Variants in LRRC25 observed in about 807,000 individuals in gnomAD.
LRRC25 encodes leucine rich repeat containing 25.
Under a neutral mutation model 18.8 loss-of-function variants are expected in LRRC25, and 5 were observed. The ratio of observed to expected loss-of-function variants is 0.27; its 90% confidence interval spans 0.14 to 0.56. The LOEUF is 0.56. Ranked by LOEUF, LRRC25 falls within the 20% of genes least tolerant of loss-of-function variation. LRRC25 has a pLI of 0.93. For synonymous variants in LRRC25, 161 were observed against 176.8 expected (o/e 0.91, Z 0.71); for missense variants, 341 against 389.8 (o/e 0.87, Z 1.05).
At position 18,392,105 on chromosome 19, in the gene LRRC25, T is replaced by C. The variant is rs1971908912; in HGVS notation, c.800A>G (p.Asn267Ser). ...DEQGAHPSEDNDFYINYKDID... is the reference protein window; with the variant it reads ...DEQGAHPSEDSDFYINYKDID... ...GTCCTTGTAGTTGATGTAAAAGTCA[T>C]TGTCCTCTGAAGGGTGAGCCCTGGG... Residue 267 changes from asparagine (N) to serine (S), a missense_variant, in exon 2 of 2, where the codon AAT (asparagine) becomes AGT (serine). By Grantham distance (46) the Asn-to-Ser change is conservative. Transcript: ENST00000339007. The C allele has an allele frequency of 6.2e-7, 1 of 1,613,856 alleles. No homozygotes were observed. Among genetic ancestry groups the C allele is most frequent in the Admixed American group, 1.7e-5 (1 of 59,982 alleles).
Position 18,392,106 on chromosome 19 carries a change from T to C in LRRC25, c.799A>G (p.Asn267Asp). The C allele has an allele frequency of 1.9e-6, 3 of 1,613,976 alleles. No homozygotes were observed. The highest frequency in any genetic ancestry group is 2.5e-6 in the Non-Finnish European group (3 of 1,179,926). Residue 267 changes from asparagine to aspartate, a missense_variant, in exon 2 of 2, where the codon AAT becomes GAT. Asn to Asp is a conservative substitution (Grantham distance 23). Transcript: ENST00000339007. ...DEQGAHPSED[N>D]DFYINYKDID... is the part of the protein sequence containing the mutation. ...TCCTTGTAGTTGATGTAAAAGTCAT[T>C]GTCCTCTGAAGGGTGAGCCCTGGGG...
intron 1 of LRRC25, among the ~76,000 whole-genome samples, chr19:18,395,534 T>G (rs1311962340): frequency 2.0e-5 from 3 of 152,066 alleles, no homozygotes; most frequent in Non-Finnish European, 4.4e-5. Flanking sequence ...GGGCCTATGC[T>G]GCTGACCGCC....
rs1226896372 is a variant in LRRC25, at chr19:18,396,915, C to T, written c.49G>A (p.Glu17Lys). The T allele has an allele frequency of 6.2e-7, 1 of 1,611,956 alleles. No individual in the cohort carries two copies. The highest frequency in any genetic ancestry group is 1.7e-5 in the Admixed American group (1 of 60,002). ...CACGACGGTTCTAGGCTGTCTGACT[C>T]CCGCAGCAGCAGCGGCAACAGCAGC... Reference protein sequence around the residue: ...WTLLLPLLLRESDSLEPSCTV... With the variant: ...WTLLLPLLLRKSDSLEPSCTV... Residue 17 changes from glutamate (E) to lysine (K), a missense_variant, in exon 1 of 2, where the codon GAG becomes AAG. By Grantham distance (56) the Glu-to-Lys change is moderately conservative. Coordinates refer to ENST00000339007, the MANE Select transcript of LRRC25 (RefSeq NM_145256.3).
At chr19:18,394,652 G>A (rs985526256) in intron 1 of LRRC25, among the ~76,000 whole-genome samples, 2 of 152,142 alleles carry the variant, frequency 1.3e-5, no homozygotes, top group African/African-American at 4.8e-5. Flanking sequence ...ATGTTGGTCA[G>A]GCTGGTCTTG....
chr19:18,396,422 A>G lies in LRRC25; in HGVS notation c.542T>C (p.Ile181Thr). 6.2e-7 allele frequency: 1 copy of G among 1,613,480 alleles called. No homozygotes were observed. Among genetic ancestry groups the G allele is most frequent in the South Asian group, 1.1e-5 (1 of 91,086 alleles). The change falls in exon 1 of 2, where the codon ATC becomes ACC. Residue 181 changes from isoleucine to threonine, a missense_variant. Ile to Thr is a moderately conservative substitution (Grantham distance 89, BLOSUM62 -1). Transcript: ENST00000339007. ...TCTCCAGGCCAGCACAGGGCCAGCG[A>G]TGGCAAGTCCAAGAAGCAGGCACCC... is the stretch of plus-strand genomic sequence containing the variant. ...VSGCLLLGLAIAGPVLAWRLW... is the reference protein window; with the variant it reads ...VSGCLLLGLATAGPVLAWRLW...
At chr19:18,393,002 A>G (rs73011458) in intron 1 of LRRC25, among the ~76,000 whole-genome samples, 33,602 of 151,960 alleles carry the variant, frequency 0.22, 4,377 homozygotes, top group East Asian at 0.39. Context: ...AAAAAACAGA[A>G]ATTGAGGTAG....
chr19:18,392,791 A>G (rs897755507), intron 1 of LRRC25, among the ~76,000 whole-genome samples: 2 of 152,088 alleles, frequency 1.3e-5, no homozygotes, highest in African/African-American at 4.8e-5. Flanking sequence ...GGAGTTTGAG[A>G]CCATCCTGAG....
intron 1 of LRRC25, among the ~76,000 whole-genome samples, chr19:18,394,833 T>C (rs1032225814): frequency 3.9e-5 from 6 of 152,136 alleles, no homozygotes; most frequent in African/African-American, 1.2e-4. Context: ...ATGCCAGCAC[T>C]TTGGGAGGCT....
At chr19:18,395,921 G>A (rs12983908) in intron 1 of LRRC25, among the ~76,000 whole-genome samples, 1 of 152,056 alleles carries the variant, frequency 6.6e-6, no homozygotes, top group African/African-American at 2.4e-5. Context: ...GGGTTTCACC[G>A]TGTTGGCCAG....
In LRRC25 at chr19:18,392,027, G is replaced by T; in HGVS notation, c.878C>A (p.Ala293Asp). 1 of 1,614,142 alleles carries T rather than the reference G, an allele frequency of 6.2e-7. No individual in the cohort carries two copies. The highest frequency in any genetic ancestry group is 8.5e-7 in the Non-Finnish European group (1 of 1,180,008). ...VYCNLQSLGQ[A>D]PMDEEEYVIP... ...CACGTACTCCTCTTCATCCATTGGG[G>T]CCTGGCCCAGTGACTGCAGGTTACA... The change falls in exon 2 of 2, where the codon GCC becomes GAC. Residue 293 changes from alanine (A) to aspartate (D), a missense_variant. Coordinates refer to ENST00000339007, the MANE Select transcript of LRRC25 (RefSeq NM_145256.3).
At chr19:18,396,162 A>C (rs769759589) in intron 1 of LRRC25, 23 bp downstream of exon 1, 1 of 1,564,864 alleles carries the variant, frequency 6.4e-7, no homozygotes, top group South Asian at 1.2e-5. Context: ...CCACTTTGGC[A>C]GGTGTCTCAG....
At chr19:18,392,925 G>GCCTA (rs1337754675) in intron 1 of LRRC25, among the ~76,000 whole-genome samples, 1 of 152,122 alleles carries the variant, frequency 6.6e-6, no homozygotes, top group Admixed American at 6.5e-5. Flanking sequence ...AGGAGGTCGA[G>GCCTA]CCTACAGTGA....
In LRRC25 at chr19:18,396,960, C is replaced by T; in HGVS notation, c.4G>A (p.Gly2Arg). Residue 2 changes from glycine to arginine, a missense_variant, in exon 1 of 2, where the codon GGG (glycine) becomes AGG (arginine). By Grantham distance (125) the Gly-to-Arg change is moderately radical. Coordinates refer to ENST00000339007, the MANE Select transcript of LRRC25 (RefSeq NM_145256.3). Reference protein sequence around the residue: MGGTLAWTLLLP... With the variant: MRGTLAWTLLLP... ...AGCAGCGTCCATGCCAGGGTGCCCC[C>T]CATTCAAGCAACCTACGTAGAGACA... The T allele has an allele frequency of 6.2e-7, 1 of 1,604,926 alleles. No individual in the cohort carries two copies. Among genetic ancestry groups the T allele is most frequent in the African/African-American group, 1.3e-5 (1 of 74,978 alleles).
chr19:18,395,012 G>GA (rs1193626796), intron 1 of LRRC25, among the ~76,000 whole-genome samples: 1 of 152,076 alleles, frequency 6.6e-6, no homozygotes, highest in Non-Finnish European at 1.5e-5. Context: ...CCAGGAGCTT[G>GA]AGGCTGCAGT....
Position 18,396,872 on chromosome 19 carries a change from T to A in LRRC25, c.92A>T (p.Asp31Val). ...ACTGAACTCCGCGTTCCAGTCCACATCCGCGGAGGACACGGTGCACGACGG... is the reference window on the plus strand; with the variant it reads ...ACTGAACTCCGCGTTCCAGTCCACAACCGCGGAGGACACGGTGCACGACGG... Reference protein sequence around the residue: ...LEPSCTVSSADVDWNAEFSAT... With the variant: ...LEPSCTVSSAVVDWNAEFSAT... The change falls in exon 1 of 2, where the codon GAT (aspartate) becomes GTT (valine). Residue 31 changes from aspartate (D) to valine (V), a missense_variant. Physicochemically the swap from Asp to Val is radical, Grantham distance 152. Coordinates refer to ENST00000339007, the MANE Select transcript of LRRC25 (RefSeq NM_145256.3). 6.2e-7 allele frequency: 1 copy of A among 1,613,744 alleles called. No homozygotes were observed. The highest frequency in any genetic ancestry group is 8.5e-7 in the Non-Finnish European group (1 of 1,180,022).
At chr19:18,395,802 CCT>C (rs761253101) in intron 1 of LRRC25, among the ~76,000 whole-genome samples, 5 of 152,148 alleles carry the variant, frequency 3.3e-5, no homozygotes, top group Non-Finnish European at 7.3e-5. Context: ...CTCACTGCAA[CCT>C]CTGACTCCCA....
rs571058968 is a variant in LRRC25, at chr19:18,396,331, G to C, written c.633C>G (p.Pro211=). 2.1e-4 allele frequency: 333 copies of C among 1,613,776 alleles called. No homozygotes were observed. The highest frequency in any genetic ancestry group is 2.8e-4 in the Non-Finnish European group (330 of 1,180,020). Residue 211 remains proline, a synonymous_variant, in exon 1 of 2, where the codon CCC becomes CCG. Transcript: ENST00000339007. The stretch of plus-strand genomic sequence containing the variant: ...GTGGCTGCAAGCCTAAACCGGGCTT[G>C]GGCCCATCCTGAGCAGCCCAGGGTT... ...LNKPWAAQDG[P]KPGLGLQPRY...
At chr19:18,395,014 G>C (rs916230894) in intron 1 of LRRC25, among the ~76,000 whole-genome samples, 2 of 152,042 alleles carry the variant, frequency 1.3e-5, no homozygotes, top group Non-Finnish European at 2.9e-5. Flanking sequence ...AGGAGCTTGA[G>C]GCTGCAGTGA....
At chr19:18,395,370 C>CAAA (rs11334806) in intron 1 of LRRC25, among the ~76,000 whole-genome samples, 1 of 105,694 alleles carries the variant, frequency 9.5e-6, no homozygotes, top group Admixed American at 1.1e-4. Context: ...GACTCCATCT[C>CAAA]AAAAAAAAAA....
Sources: gnomAD v4.1 joint callset for allele counts (sites outside exome capture counted in the v4.1 genomes callset) on GRCh38, gnomAD v4.1.1 for gene constraint, MANE v1.5 for transcripts, NCBI Gene and HGNC (gene_info 2026-07-23, HGNC 2026-07-21) for gene names.